Variants in DMD observed in about 807,000 individuals in gnomAD.
DMD encodes mutant dystrophin.
In DMD, 63 loss-of-function variants were observed where a neutral mutation model predicts 330.1. That is an observed-to-expected ratio of 0.19 (90% confidence interval 0.16 to 0.24). The LOEUF (loss-of-function observed/expected upper bound fraction) is 0.24. Among genes scored for constraint, DMD ranks in the 10% least tolerant of loss-of-function variants. The pLI is 1.00. For missense variants in DMD, 3,344 were observed against 2,684.1 expected (o/e 1.25, Z -5.43); for synonymous variants, 1,223 against 959.8 (o/e 1.27, Z -5.07).
chrX:31,875,178 A>G lies in DMD; in HGVS notation c.7098+10T>C. ...AAAGACAAAAATATTTAAAGCAAAA[A>G]GTTCCCTACCTTAACGTCAAATGGT... On this transcript the variant is annotated intron_variant, in intron 48 of 78. Coordinates refer to ENST00000357033, the MANE Select transcript of DMD (RefSeq NM_004006.3). 5.9e-6 allele frequency: 7 copies of G among 1,196,169 alleles called. No individual in the cohort carries two copies. Among genetic ancestry groups the G allele is most frequent in the Non-Finnish European group, 7.9e-6 (7 of 887,119 alleles).
chrX:33,274,100 A>G (rs777652779), intron 1 of DMD, among the ~76,000 whole-genome samples: 3 of 112,096 alleles, frequency 2.7e-5, no homozygotes, highest in Admixed American at 9.5e-5. Context: ...GATATTAAAG[A>G]GTATGTTAAG....
chrX:31,241,343 C>T (rs754324194), intron 63 of DMD, among the ~76,000 whole-genome samples: 1 of 111,347 alleles, frequency 9.0e-6, no homozygotes, highest in African/African-American at 3.3e-5. Flanking sequence ...GCCTCATCTG[C>T]ACAATGGAGA....
At chrX:31,204,522 A>G (rs1488359603) in intron 66 of DMD, among the ~76,000 whole-genome samples, 2 of 112,527 alleles carry the variant, frequency 1.8e-5, no homozygotes, top group African/African-American at 6.5e-5. Context: ...CAGAGATTCA[A>G]AAATGTACCA....
chrX:32,592,668 A>C (rs899849078), intron 13 of DMD, among the ~76,000 whole-genome samples: 11 of 112,292 alleles, frequency 9.8e-5, no homozygotes, highest in African/African-American at 3.6e-4. Context: ...AAGAGCTGTA[A>C]CACAAACAGG....
intron 1 of DMD, among the ~76,000 whole-genome samples, chrX:33,204,243 A>G (rs184730883): frequency 5.8e-4 from 65 of 111,961 alleles, no homozygotes; most frequent in African/African-American, 1.9e-3. Flanking sequence ...TAATTTCTAT[A>G]ACCTTCAAGG....
At chrX:32,006,211 C>T (rs1016560661) in intron 44 of DMD, among the ~76,000 whole-genome samples, 4 of 111,898 alleles carry the variant, frequency 3.6e-5, no homozygotes, top group Admixed American at 2.9e-4. Flanking sequence ...CAATATTTCA[C>T]ATGAAAGACT....
At chrX:31,473,172 C>T (rs990143378) in intron 59 of DMD, among the ~76,000 whole-genome samples, 2 of 101,433 alleles carry the variant, frequency 2.0e-5, no homozygotes, top group Non-Finnish European at 4.0e-5. Context: ...GCCTGGCCAA[C>T]GTGGTGAAAC....
chrX:33,298,949 CG>C (rs1439807800), intron 1 of DMD, among the ~76,000 whole-genome samples: 1 of 111,447 alleles, frequency 9.0e-6, no homozygotes. Flanking sequence ...GGGACAGAAG[CG>C]GAACAGCTAT....
At chrX:31,212,278 A>C (rs967440465) in intron 64 of DMD, among the ~76,000 whole-genome samples, 3 of 108,547 alleles carry the variant, frequency 2.8e-5, no homozygotes, top group Non-Finnish European at 3.8e-5. Context: ...TCACTTTCTA[A>C]ATTATGTTTA....
At chrX:32,996,115 G>T (rs949754149) in intron 2 of DMD, among the ~76,000 whole-genome samples, 5 of 111,865 alleles carry the variant, frequency 4.5e-5, no homozygotes, top group African/African-American at 1.6e-4. Flanking sequence ...CTACAGAGTA[G>T]CTCTCAAACC....
chrX:31,154,327 G>A (rs2037832716), intron 74 of DMD, among the ~76,000 whole-genome samples: 1 of 108,711 alleles, frequency 9.2e-6, no homozygotes, highest in Non-Finnish European at 1.9e-5. Flanking sequence ...ACGGAATCTC[G>A]CTCTGTCGCC....
chrX:32,673,223 G>C (rs1479423319), intron 9 of DMD, among the ~76,000 whole-genome samples: 1 of 110,735 alleles, frequency 9.0e-6, no homozygotes, highest in African/African-American at 3.3e-5. Flanking sequence ...AGACAAGGAT[G>C]ATAAACCTCC....
At chrX:32,342,410 C>T (rs1458923192) in intron 40 of DMD, 128 bp from the exon 41 acceptor site, 1 of 695,535 alleles carries the variant, frequency 1.4e-6, no homozygotes, top group African/African-American at 2.2e-5. Context: ...TTGAAGTTTA[C>T]AAATATGAAA....
chrX:31,648,617 C>CAAA (rs548846514), intron 54 of DMD, among the ~76,000 whole-genome samples: 1 of 18,986 alleles, frequency 5.3e-5, no homozygotes, highest in Non-Finnish European at 8.4e-5. Context: ...AAGGGAGCTG[C>CAAA]AAAAAAAAAA....
intron 44 of DMD, among the ~76,000 whole-genome samples, chrX:32,081,951 G>C (rs1205200076): frequency 9.0e-6 from 1 of 111,499 alleles, no homozygotes; most frequent in Non-Finnish European, 1.9e-5. Context: ...CACCTACTTA[G>C]TATGTCAAAG....
intron 44 of DMD, among the ~76,000 whole-genome samples, chrX:32,022,147 CT>C (rs1170496171): frequency 1.8e-5 from 2 of 111,407 alleles, no homozygotes; most frequent in Non-Finnish European, 3.8e-5. Flanking sequence ...TTTTTAAAAT[CT>C]GCTCTAAAAA....
chrX:32,836,935 C>T (rs1603444704), intron 4 of DMD, among the ~76,000 whole-genome samples: 1 of 111,700 alleles, frequency 9.0e-6, no homozygotes, highest in Non-Finnish European at 1.9e-5. Flanking sequence ...CGACGAAGAG[C>T]AGATATCCGA....
At chrX:32,607,222 G>C (rs1183488147) in intron 12 of DMD, among the ~76,000 whole-genome samples, 1 of 110,157 alleles carries the variant, frequency 9.1e-6, no homozygotes, top group Non-Finnish European at 1.9e-5. Flanking sequence ...CTTAGATTTG[G>C]TAGGTGGTGA....
intron 43 of DMD, among the ~76,000 whole-genome samples, chrX:32,256,804 T>C (rs12013462): frequency 0.34 from 37,864 of 109,968 alleles, 5,295 homozygotes; most frequent in African/African-American, 0.52. Flanking sequence ...AATTCTGGGT[T>C]GAAAATTCCC....
Sources: gnomAD v4.1 joint callset for allele counts (sites outside exome capture counted in the v4.1 genomes callset) on GRCh38, gnomAD v4.1.1 for gene constraint, MANE v1.5 for transcripts, NCBI Gene and HGNC (gene_info 2026-07-23, HGNC 2026-07-21) for gene names.